Variants in COL23A1 observed in about 807,000 individuals in gnomAD.
The protein encoded by COL23A1 is collagen type XXIII alpha 1 chain.
In COL23A1, 97 loss-of-function variants were observed where a neutral mutation model predicts 99.3. That is an observed-to-expected ratio of 0.98 (90% CI 0.83 to 1.16). The LOEUF (loss-of-function observed/expected upper bound fraction) is 1.16. Ranked by LOEUF, COL23A1 falls within the 50% of genes most tolerant of loss-of-function variation. COL23A1 has a pLI of 0.00. For synonymous variants in COL23A1, 320 were observed against 308.2 expected (o/e 1.04, Z -0.40); for missense variants, 762 against 757.4 (o/e 1.01, Z -0.07).
rs1485812356 is a variant in COL23A1, at chr5:178,350,188, G to A, written c.362-43269C>T. ...CTCAGTCCTCGGGCCGAGCACCCATGCCACCTCCTCCAGGACGCCCACCTG... is the reference window on the plus strand; with the variant it reads ...CTCAGTCCTCGGGCCGAGCACCCATACCACCTCCTCCAGGACGCCCACCTG... On this transcript the variant is annotated intron_variant, in intron 2 of 28. Coordinates refer to ENST00000390654, the MANE Select transcript of COL23A1 (RefSeq NM_173465.4). Among the ~76,000 whole-genome samples, 6 of 152,182 alleles carry A rather than the reference G, an allele frequency of 3.9e-5. No homozygotes were observed. In the East Asian group the frequency reaches 9.6e-4, roughly 24 times the overall value.
intron 6 of COL23A1, among the ~76,000 whole-genome samples, chr5:178,269,386 TCCAC>T (rs1756112274): frequency 1.5e-5 from 1 of 68,956 alleles, no homozygotes; most frequent in Non-Finnish European, 2.7e-5. Context: ...TATCCATCCA[TCCAC>T]CCACCCATCC....
At chr5:178,282,635 A>G (rs2127578067) in intron 5 of COL23A1, among the ~76,000 whole-genome samples, 1 of 152,314 alleles carries the variant, frequency 6.6e-6, no homozygotes, top group Admixed American at 6.5e-5. Context: ...CTCTGAGCTC[A>G]GATTTCTCAT....
At chr5:178,392,186 G>C (rs986216139) in intron 2 of COL23A1, among the ~76,000 whole-genome samples, 1 of 148,430 alleles carries the variant, frequency 6.7e-6, no homozygotes, top group Non-Finnish European at 1.5e-5. Flanking sequence ...GCACTACTCT[G>C]TGAGTATAAT....
chr5:178,559,434 C>A lies in COL23A1; in HGVS notation c.361+1248G>T, dbSNP rs544359365. Among the ~76,000 whole-genome samples, 9 of 150,800 alleles carry A rather than the reference C, an allele frequency of 6.0e-5. No homozygotes were observed. In the South Asian group the frequency reaches 1.9e-3, roughly 32 times the overall value. ...ATGTCGAGAAGTCTGAGACACATCACTCAAAAGCCACCTTTCCCTGCACGT... is the reference window on the plus strand; with the variant it reads ...ATGTCGAGAAGTCTGAGACACATCAATCAAAAGCCACCTTTCCCTGCACGT... On this transcript the variant is annotated intron_variant, in intron 2 of 28. Transcript: ENST00000390654.
intron 2 of COL23A1, among the ~76,000 whole-genome samples, chr5:178,408,999 CACACACACACACACACACACACAT>C (rs1185182116): frequency 6.8e-6 from 1 of 147,844 alleles, no homozygotes; most frequent in African/African-American, 2.5e-5. Context: ...CACACACACA[CACACACACACACACACACACACAT>C]CATGTGGCTG....
intron 8 of COL23A1, chr5:178,265,894 C>G (rs4976754): frequency 0.15 from 24,801 of 161,630 alleles, 2,211 homozygotes; most frequent in East Asian, 0.41. Context: ...ACCAGCTGAG[C>G]GCCCACCAGC....
chr5:178,241,914 G>T, intron 27 of COL23A1, 128 bp downstream of exon 27: 1 of 687,112 alleles, frequency 1.5e-6, no homozygotes, highest in Non-Finnish European at 2.5e-6. Flanking sequence ...CTGACAGTGA[G>T]GAAGGCCAGT....
chr5:178,503,709 G>A (rs1758705918), intron 2 of COL23A1, among the ~76,000 whole-genome samples: 1 of 151,982 alleles, frequency 6.6e-6, no homozygotes, highest in Admixed American at 6.6e-5. Flanking sequence ...AATTTAAAAA[G>A]GTGAACTTGG....
At chr5:178,419,311 C>T (rs1164990600) in intron 2 of COL23A1, among the ~76,000 whole-genome samples, 2 of 152,194 alleles carry the variant, frequency 1.3e-5, no homozygotes, top group African/African-American at 2.4e-5. Context: ...AAGAGCCAGT[C>T]GCATGGAGGG....
chr5:178,352,584 A>G (rs878939109), intron 2 of COL23A1, among the ~76,000 whole-genome samples: 2 of 152,214 alleles, frequency 1.3e-5, no homozygotes, highest in Admixed American at 1.3e-4. Context: ...AATACACAGC[A>G]AAGACAAACC....
In COL23A1 at chr5:178,286,511, AG is replaced by A. The variant is rs565996079; in HGVS notation, c.441+1812del. 1.7e-3 allele frequency among the ~76,000 whole-genome samples: 260 copies of A among 152,326 alleles called. 1 individual carries two copies. Among genetic ancestry groups the A allele is most frequent in the African/African-American group, 6.1e-3 (255 of 41,584 alleles). On this transcript the variant is annotated intron_variant, in intron 5 of 28. Transcript: ENST00000390654. ...TTCCCGACAGTCCTGTCATGGCCCCAGGGACAGCAGCCCCGGGTTTGGCCTG... is the reference window on the plus strand; with the variant it reads ...TTCCCGACAGTCCTGTCATGGCCCCAGGACAGCAGCCCCGGGTTTGGCCTG...
chr5:178,574,702 G>A (rs988902131), intron 1 of COL23A1, among the ~76,000 whole-genome samples: 23 of 152,142 alleles, frequency 1.5e-4, no homozygotes, highest in African/African-American at 4.3e-4. Context: ...TGTTTCTTGC[G>A]GCAACCGGTT....
intron 2 of COL23A1, among the ~76,000 whole-genome samples, chr5:178,420,180 C>A (rs560392342): frequency 6.6e-6 from 1 of 152,150 alleles, no homozygotes; most frequent in Non-Finnish European, 1.5e-5. Flanking sequence ...ATCAGCCACA[C>A]GGCTTAGGGA....
At chr5:178,529,672 T>C (rs916312169) in intron 2 of COL23A1, among the ~76,000 whole-genome samples, 5 of 152,116 alleles carry the variant, frequency 3.3e-5, no homozygotes, top group African/African-American at 9.7e-5. Context: ...ACGAGGGGCA[T>C]AGACTGAAAG....
chr5:178,287,793 C>T (rs1757236704), intron 5 of COL23A1, among the ~76,000 whole-genome samples: 1 of 152,258 alleles, frequency 6.6e-6, no homozygotes, highest in African/African-American at 2.4e-5. Flanking sequence ...GACAGCGGCA[C>T]AGCCACGCTG....
intron 2 of COL23A1, among the ~76,000 whole-genome samples, chr5:178,337,059 C>G (rs1760364770): frequency 6.6e-6 from 1 of 152,220 alleles, no homozygotes; most frequent in Non-Finnish European, 1.5e-5. Flanking sequence ...TCTGTCCCTG[C>G]CCCCTATTGG....
At chr5:178,390,202 A>G (rs543037523) in intron 2 of COL23A1, among the ~76,000 whole-genome samples, 1 of 152,180 alleles carries the variant, frequency 6.6e-6, no homozygotes, top group Non-Finnish European at 1.5e-5. Flanking sequence ...TGAATATATC[A>G]TTTACTATCC....
At chr5:178,569,425 A>G (rs1207403509) in intron 1 of COL23A1, among the ~76,000 whole-genome samples, 3 of 152,238 alleles carry the variant, frequency 2.0e-5, no homozygotes, top group Non-Finnish European at 2.9e-5. Flanking sequence ...GAAGTTTTCC[A>G]ATGGTTTCGT....
intron 2 of COL23A1, among the ~76,000 whole-genome samples, chr5:178,557,376 T>C (rs935947668): frequency 6.6e-6 from 1 of 152,146 alleles, no homozygotes; most frequent in Non-Finnish European, 1.5e-5. Flanking sequence ...CTTGGACATA[T>C]CTTTTGAGGG....
Sources: allele counts gnomAD v4.1 joint callset (sites outside exome capture counted in the v4.1 genomes callset), GRCh38; gene constraint gnomAD v4.1.1; transcripts MANE v1.5; gene names NCBI Gene and HGNC (gene_info 2026-07-23, HGNC 2026-07-21).